The following ABCA3 variants were observed in gnomAD, a reference collection of about 807,000 sequenced individuals.
The protein encoded by ABCA3 is phospholipid-transporting ATPase ABCA3.
A neutral mutation model predicts 172.8 loss-of-function variants in ABCA3; 88 were observed. The ratio of observed to expected loss-of-function variants is 0.51; its 90% CI spans 0.43 to 0.61. The LOEUF (loss-of-function observed/expected upper bound fraction) is 0.61. Ranked by LOEUF, ABCA3 falls within the 20% of genes least tolerant of loss-of-function variation. The probability of loss-of-function intolerance (pLI) is 0.00; values close to 1 mark genes in which losing one functional copy is unlikely to be tolerated. For synonymous variants in ABCA3, 1,066 were observed against 983.8 expected, an observed-to-expected ratio of 1.08 and a Z score of -1.56; for missense variants, 2,164 against 2,301.0, an observed-to-expected ratio of 0.94 and a Z score of 1.22.
At chr16:2,305,033 G>A (rs1051060388) in intron 11 of ABCA3, among the ~76,000 whole-genome samples, 5 of 151,996 alleles carry the variant, frequency 3.3e-5, no homozygotes, top group Admixed American at 2.6e-4. Context: ...GCCTGGTCTC[G>A]AACTCCTGAG....
In ABCA3 at chr16:2,281,054, A is replaced by T; in HGVS notation, c.4332T>A (p.Gly1444=). The T allele has an allele frequency of 6.2e-7, 1 of 1,613,200 alleles. No homozygotes were observed. The highest frequency in any genetic ancestry group is 8.5e-7 in the Non-Finnish European group (1 of 1,179,842). Residue 1444 remains glycine (G), a synonymous_variant, in exon 28 of 33, where the codon GGT becomes GGA. Coordinates refer to ENST00000301732, the MANE Select transcript of ABCA3 (RefSeq NM_001089.3). This position sits in a 1 kb window ranked among gnomAD's most constrained non-coding sequence, Gnocchi z 4.7. ...TTCCGACATCAGAGCTGATTCTGTG[A>T]CCCCCGACAAAGGCATCCCCAGAAG... ...SLTSGDAFVG[G]HRISSDVGKV...
intron 1 of ABCA3, among the ~76,000 whole-genome samples, chr16:2,340,340 C>T (rs998063896): frequency 1.3e-5 from 2 of 151,904 alleles, no homozygotes; most frequent in Admixed American, 1.3e-4. Flanking sequence ...TGGGAGCCGA[C>T]GCTGAGGGAG....
chr16:2,324,374 G>A, intron 6 of ABCA3, 30 bp downstream of exon 6: 1 of 1,567,050 alleles, frequency 6.4e-7, no homozygotes, highest in East Asian at 2.3e-5. Context: ...CTGATGGGCT[G>A]TGACTGCTCG....
intron 10 of ABCA3, among the ~76,000 whole-genome samples, chr16:2,316,735 G>A (rs2093716546): frequency 6.6e-6 from 1 of 151,768 alleles, no homozygotes; most frequent in Non-Finnish European, 1.5e-5. Context: ...TGAGGTTGGA[G>A]TTTTACCTGG....
rs201092673 is a variant in ABCA3, at chr16:2,299,997, G to A, written c.1611+8C>T. 1 of 1,612,726 alleles carries A rather than the reference G, an allele frequency of 6.2e-7. No individual in the cohort carries two copies. Among genetic ancestry groups the A allele is most frequent in the East Asian group, 2.2e-5 (1 of 44,872 alleles). On this transcript the variant is annotated splice_region_variant and intron_variant, in intron 13 of 32. Transcript: ENST00000301732. ...CCCGGCCCTCCCTGTCCCCACAGGAGGCGGCACCTTGGACAGGTGCTTGAT... is the reference window on the plus strand; with the variant it reads ...CCCGGCCCTCCCTGTCCCCACAGGAAGCGGCACCTTGGACAGGTGCTTGAT...
At position 2,284,189 on chromosome 16, in the gene ABCA3, A is replaced by G; in HGVS notation, c.3862+90T>C. 1 of 1,473,130 alleles carries G rather than the reference A, an allele frequency of 6.8e-7. No homozygotes were observed. The highest frequency in any genetic ancestry group is 1.3e-5 in the South Asian group (1 of 76,350). The allele number at this position is 1,473,130 out of a possible 1,614,324, so 91.3% of individuals were successfully genotyped here. A position where few individuals can be genotyped will look rare whatever the true frequency, so the allele number is the denominator to read the frequency against. ...CACCAGCCCCAGGCCACTCAGACGC[A>G]GAGGAGCCCCTGCCCTAGGAGGCCC... On this transcript the variant is annotated intron_variant, in intron 25 of 32. Coordinates refer to ENST00000301732, the MANE Select transcript of ABCA3 (RefSeq NM_001089.3). The surrounding 1 kb of genome is among the most constrained non-coding windows in gnomAD (Gnocchi z 5.9).
At chr16:2,336,597 ATTTTTTT>A (rs11284766) in intron 1 of ABCA3, among the ~76,000 whole-genome samples, 146 of 101,334 alleles carry the variant, frequency 1.4e-3, no homozygotes, top group African/African-American at 5.2e-3. Flanking sequence ...CGCCCAGCTA[ATTTTTTT>A]TTTTTTTTTT....
At position 2,283,264 on chromosome 16, in the gene ABCA3, G is replaced by A. The variant is rs2093657875; in HGVS notation, c.3957C>T (p.Ile1319=). The stretch of plus-strand genomic sequence containing the variant: ...GGTTGGTCTCGATGAGGAAGAGCAG[G>A]ATGAGGTAGGCGCACCCTGAGGCGG... ...SMAASGCAYL[I]LLFLIETNLL... Residue 1319 remains isoleucine (I), a synonymous_variant, in exon 26 of 33, where the codon ATC becomes ATT. Coordinates refer to ENST00000301732, the MANE Select transcript of ABCA3 (RefSeq NM_001089.3). This position sits in a 1 kb window ranked among gnomAD's most constrained non-coding sequence, Gnocchi z 5.4. The A allele has an allele frequency of 1.9e-6, 3 of 1,613,336 alleles. No homozygotes were observed. The highest frequency in any genetic ancestry group is 2.5e-6 in the Non-Finnish European group (3 of 1,180,004).
At chr16:2,289,672 G>T in intron 19 of ABCA3, 52 bp from the exon 20 acceptor site, 1 of 1,533,772 alleles carries the variant, frequency 6.5e-7, no homozygotes. Flanking sequence ...CGGGTGGGTG[G>T]AGGGAGGGAC....
intron 5 of ABCA3, among the ~76,000 whole-genome samples, chr16:2,325,154 T>C (rs2093732324): frequency 6.6e-6 from 1 of 152,142 alleles, no homozygotes; most frequent in African/African-American, 2.4e-5. Context: ...CTTCTCAGGC[T>C]TTCTCATCAC....
At position 2,304,116 on chromosome 16, in the gene ABCA3, G is replaced by A. The variant is rs767915728; in HGVS notation, c.1320C>T (p.Pro440=). Residue 440 remains proline, a synonymous_variant, in exon 12 of 33, where the codon CCC becomes CCT. Coordinates refer to ENST00000301732, the MANE Select transcript of ABCA3 (RefSeq NM_001089.3). Reference sequence around the variant, plus strand: ...AGCAGAAGTCGTCGTCCACGTTGACGGGACTCAGGAGGTCTCGCCACTGGA... The same window carrying A: ...AGCAGAAGTCGTCGTCCACGTTGACAGGACTCAGGAGGTCTCGCCACTGGA... ...MGIQWRDLLS[P]VNVDDDFCFG... 3.7e-5 allele frequency: 59 copies of A among 1,614,020 alleles called. No individual in the cohort carries two copies. The highest frequency in any genetic ancestry group is 3.3e-4 in the Middle Eastern group (2 of 6,082).
intron 10 of ABCA3, among the ~76,000 whole-genome samples, chr16:2,309,642 G>A (rs767183285): frequency 6.6e-6 from 1 of 152,080 alleles, no homozygotes; most frequent in Non-Finnish European, 1.5e-5. Flanking sequence ...TTTTGAGATC[G>A]AGTCCCCCTC....
At chr16:2,289,332 C>G (rs777426546) in intron 20 of ABCA3, 102 bp downstream of exon 20, 1 of 1,428,602 alleles carries the variant, frequency 7.0e-7, no homozygotes, top group South Asian at 1.3e-5. Flanking sequence ...CTCCCGGACC[C>G]TGTTTGCGCC....
chr16:2,295,031 GA>G (rs960005274), intron 18 of ABCA3, among the ~76,000 whole-genome samples: 4 of 151,990 alleles, frequency 2.6e-5, no homozygotes, highest in African/African-American at 4.8e-5. Context: ...ATGTAAAATG[GA>G]AAAAAATCTG....
chr16:2,326,717 G>A (rs140744489), intron 3 of ABCA3, among the ~76,000 whole-genome samples: 3 of 152,274 alleles, frequency 2.0e-5, no homozygotes, highest in African/African-American at 7.2e-5. Flanking sequence ...GCCAGGTGCA[G>A]TGGCTCATGC....
chr16:2,306,282 G>GCTA (rs1249535737), intron 11 of ABCA3, among the ~76,000 whole-genome samples: 2 of 152,064 alleles, frequency 1.3e-5, no homozygotes, highest in Non-Finnish European at 2.9e-5. Flanking sequence ...CTATTATCAT[G>GCTA]CTACTGCACT....
chr16:2,296,168 C>T (rs990140292), intron 17 of ABCA3, among the ~76,000 whole-genome samples: 3 of 151,834 alleles, frequency 2.0e-5, no homozygotes, highest in African/African-American at 7.3e-5. Flanking sequence ...CCGCACTGCA[C>T]GGCACTATCA....
Position 2,281,636 on chromosome 16 carries a change from A to C in ABCA3, c.4036-127T>G. 1.7e-6 allele frequency: 2 copies of C among 1,204,454 alleles called. No homozygotes were observed. The highest frequency in any genetic ancestry group is 1.2e-6 in the Non-Finnish European group (1 of 838,038). 74.6% of individuals were successfully genotyped at this position (1,204,454 alleles called of 1,614,324 possible). A position where few individuals can be genotyped will look rare whatever the true frequency, so the allele number is the denominator to read the frequency against. ...AAGGCCTTCAAGGCTTCTCGTCCCAATCTCAGGCCCCACAGGTGCGACTCA... is the reference window on the plus strand; with the variant it reads ...AAGGCCTTCAAGGCTTCTCGTCCCACTCTCAGGCCCCACAGGTGCGACTCA... On this transcript the variant is annotated intron_variant, in intron 26 of 32. Coordinates refer to ENST00000301732, the MANE Select transcript of ABCA3 (RefSeq NM_001089.3). The surrounding 1 kb of genome is among the most constrained non-coding windows in gnomAD (Gnocchi z 4.7).
intron 12 of ABCA3, among the ~76,000 whole-genome samples, chr16:2,300,992 A>T (rs2093688093): frequency 6.7e-6 from 1 of 150,196 alleles, no homozygotes; most frequent in Non-Finnish European, 1.5e-5. Context: ...GCACTTTGGG[A>T]GGCCGAGGCG....
Sources: gnomAD v4.1 joint callset for allele counts (sites outside exome capture counted in the v4.1 genomes callset) on GRCh38, gnomAD v4.1.1 for gene constraint, Gnocchi (gnomAD v3.1) non-coding constraint, MANE v1.5 for transcripts, NCBI Gene and HGNC (gene_info 2026-07-23, HGNC 2026-07-21) for gene names.